Variants in PCDHGA6 observed in about 807,000 individuals in gnomAD.
PCDHGA6 encodes the protein protocadherin gamma-A6.
In PCDHGA6, 41 loss-of-function variants were observed where a neutral mutation model predicts 60.6. The observed-to-expected ratio is 0.68, with a 90% CI of 0.53 to 0.88. PCDHGA6 has a LOEUF of 0.88. Among genes scored for constraint, PCDHGA6 ranks in the 40% least tolerant of loss-of-function variants. The probability of loss-of-function intolerance (pLI) is 0.00; values close to 1 mark genes in which losing one functional copy is unlikely to be tolerated. For missense variants in PCDHGA6, 1,312 were observed against 1,203.0 expected (o/e 1.09, Z -1.34); for synonymous variants, 594 against 524.4 (o/e 1.13, Z -1.81).
chr5:141,441,843 G>T, intron 1 of PCDHGA6: 1 of 356,176 alleles, frequency 2.8e-6, no homozygotes. Context: ...TCGCGCTCTT[G>T]GATATGGTGC....
At position 141,382,695 on chromosome 5, in the gene PCDHGA6, G is replaced by A. The variant is rs76993444; in HGVS notation, c.2424+6188G>A. ...TTCACCAACCAGGGAAAAATGGTGCGAGAGATCCCACAGAAACCACCGAGT... is the reference window on the plus strand; with the variant it reads ...TTCACCAACCAGGGAAAAATGGTGCAAGAGATCCCACAGAAACCACCGAGT... On this transcript the variant is annotated intron_variant, in intron 1 of 3. Coordinates refer to ENST00000517434, the MANE Select transcript of PCDHGA6 (RefSeq NM_018919.3). 1.1e-3 allele frequency: 486 copies of A among 451,892 alleles called. 2 individuals carry two copies. The highest frequency in any genetic ancestry group is 9.0e-3 in the African/African-American group (451 of 50,190). The allele number at this position is 451,892 out of a possible 1,614,324, so 28.0% of individuals were successfully genotyped here.
chr5:141,477,566 C>T lies in PCDHGA6; in HGVS notation c.2425-17241C>T, dbSNP rs749100730. On this transcript the variant is annotated intron_variant, in intron 1 of 3. Coordinates refer to ENST00000517434, the MANE Select transcript of PCDHGA6 (RefSeq NM_018919.3). The surrounding 1 kb of genome is among the most constrained non-coding windows in gnomAD (Gnocchi z 4.9). ...AATACTAAACCTAAGTGTCTGGGAC[C>T]CCGACGCCCCGCAGAATGCTCGGCT... The T allele has an allele frequency of 1.9e-6, 3 of 1,613,988 alleles. No homozygotes were observed. The highest frequency in any genetic ancestry group is 8.5e-7 in the Non-Finnish European group (1 of 1,180,032).
At chr5:141,408,834 T>G in intron 1 of PCDHGA6, 1 of 1,613,696 alleles carries the variant, frequency 6.2e-7, no homozygotes, top group Non-Finnish European at 8.5e-7. Context: ...CATAGCTTGA[T>G]ATTGACTGCC....
At chr5:141,383,985 T>C (rs924124642) in intron 1 of PCDHGA6, 1 of 1,613,822 alleles carries the variant, frequency 6.2e-7, no homozygotes, top group African/African-American at 1.3e-5. Flanking sequence ...ACACACCTCT[T>C]GGGACAGTCA....
At chr5:141,408,712 T>G in intron 1 of PCDHGA6, 1 of 1,612,332 alleles carries the variant, frequency 6.2e-7, no homozygotes, top group Non-Finnish European at 8.5e-7. Flanking sequence ...TTAAAGATTA[T>G]AAGATAAACT....
At chr5:141,454,409 T>G (rs1221091875) in intron 1 of PCDHGA6, among the ~76,000 whole-genome samples, 1 of 152,162 alleles carries the variant, frequency 6.6e-6, no homozygotes, top group Non-Finnish European at 1.5e-5. Flanking sequence ...TTATTCCTTT[T>G]TATTTATTTA....
intron 2 of PCDHGA6, among the ~76,000 whole-genome samples, chr5:141,504,794 A>G (rs2099841154): frequency 6.6e-6 from 1 of 151,718 alleles, no homozygotes; most frequent in African/African-American, 2.4e-5. Flanking sequence ...GGCCTCCTAC[A>G]TCTCCCCCTA....
intron 1 of PCDHGA6, chr5:141,418,394 T>C: frequency 6.2e-7 from 1 of 1,614,020 alleles, no homozygotes; most frequent in Non-Finnish European, 8.5e-7. Flanking sequence ...CGAGTATTTC[T>C]CATTGGTGGA....
intron 1 of PCDHGA6, among the ~76,000 whole-genome samples, chr5:141,459,312 G>A (rs968359414): frequency 6.6e-6 from 1 of 152,084 alleles, no homozygotes; most frequent in African/African-American, 2.4e-5. Flanking sequence ...ATACTATTTT[G>A]TATCCATCTT....
Position 141,431,264 on chromosome 5 carries a change from A to T in PCDHGA6, c.2424+54757A>T. The T allele has an allele frequency of 6.2e-7, 1 of 1,614,170 alleles. No individual in the cohort carries two copies. On this transcript the variant is annotated intron_variant, in intron 1 of 3. Coordinates refer to ENST00000517434, the MANE Select transcript of PCDHGA6 (RefSeq NM_018919.3). This position sits in a 1 kb window ranked among gnomAD's most constrained non-coding sequence, Gnocchi z 4.8. ...GGATATCGGGAAGAACTCTCTGCAG[A>T]GCTACGAGCTCAGCCCGAACACTCA...
chr5:141,480,250 A>T (rs2099515553), intron 1 of PCDHGA6, among the ~76,000 whole-genome samples: 2 of 151,988 alleles, frequency 1.3e-5, no homozygotes, highest in African/African-American at 4.8e-5. Context: ...CAAAAAAAAA[A>T]AAAAATGTGT....
chr5:141,472,060 T>C (rs185246000), intron 1 of PCDHGA6, among the ~76,000 whole-genome samples: 5 of 152,276 alleles, frequency 3.3e-5, no homozygotes, highest in Non-Finnish European at 1.5e-5. Context: ...ATGATTGACA[T>C]GTCTGTGGTT....
chr5:141,409,360 A>G (rs746614262), intron 1 of PCDHGA6: 2 of 1,614,014 alleles, frequency 1.2e-6, no homozygotes, highest in Admixed American at 3.3e-5. Flanking sequence ...GGTGTAATAT[A>G]GAAACAGACA....
chr5:141,393,910 T>C, intron 1 of PCDHGA6: 1 of 1,613,998 alleles, frequency 6.2e-7, no homozygotes, highest in Admixed American at 1.7e-5. Flanking sequence ...GGGACAGTAA[T>C]TGCCTTCTTG....
chr5:141,489,126 T>A lies in PCDHGA6; in HGVS notation c.2425-5681T>A. ...TGCAAGCAGGCAAACCTCCGAGCAGTTTTTAAGAGGCTGGAAGGAGACATA... is the reference window on the plus strand; with the variant it reads ...TGCAAGCAGGCAAACCTCCGAGCAGATTTTAAGAGGCTGGAAGGAGACATA... On this transcript the variant is annotated intron_variant, in intron 1 of 3. Transcript: ENST00000517434. This position sits in a 1 kb window ranked among gnomAD's most constrained non-coding sequence, Gnocchi z 4.5. 1.7e-6 allele frequency: 1 copy of A among 585,136 alleles called. No individual in the cohort carries two copies. Among genetic ancestry groups the A allele is most frequent in the Non-Finnish European group, 2.7e-6 (1 of 375,012 alleles). The allele number at this position is 585,136 out of a possible 1,614,324, so 36.2% of individuals were successfully genotyped here.
chr5:141,405,822 T>C (rs1055689569), intron 1 of PCDHGA6, among the ~76,000 whole-genome samples: 2 of 151,888 alleles, frequency 1.3e-5, no homozygotes, highest in African/African-American at 4.8e-5. Flanking sequence ...CTGTCTGTAC[T>C]TAAGGTAGTA....
In PCDHGA6 at chr5:141,390,041, C is replaced by A. The variant is rs373243233; in HGVS notation, c.2424+13534C>A. On this transcript the variant is annotated intron_variant, in intron 1 of 3. Coordinates refer to ENST00000517434, the MANE Select transcript of PCDHGA6 (RefSeq NM_018919.3). ...TGCGCCTGCGACGCTCCTCCAGCCC[C>A]GCCTCCTGGAGCTGCTTCCAGCCTG... is the stretch of plus-strand genomic sequence containing the variant. The A allele has an allele frequency of 3.7e-6, 6 of 1,613,940 alleles. No homozygotes were observed. In the African/African-American group the frequency reaches 8.0e-5, roughly 22 times the overall value.
At chr5:141,501,869 C>G (rs1595765055) in intron 2 of PCDHGA6, among the ~76,000 whole-genome samples, 1 of 152,130 alleles carries the variant, frequency 6.6e-6, no homozygotes, top group Non-Finnish European at 1.5e-5. Context: ...CCCAGGACGC[C>G]TCCTTACACT....
At chr5:141,421,700 C>A (rs755518757) in intron 1 of PCDHGA6, 2 of 1,613,900 alleles carry the variant, frequency 1.2e-6, no homozygotes, top group Non-Finnish European at 1.7e-6. Flanking sequence ...CTTCCTAATG[C>A]TAGGGATCCA....
Sources: gnomAD v4.1 joint callset for allele counts (sites outside exome capture counted in the v4.1 genomes callset) on GRCh38, gnomAD v4.1.1 for gene constraint, Gnocchi (gnomAD v3.1) non-coding constraint, MANE v1.5 for transcripts, NCBI Gene and HGNC (gene_info 2026-07-23, HGNC 2026-07-21) for gene names.